Variants in ZNF507 observed in about 807,000 individuals in gnomAD.
ZNF507 encodes the protein zinc finger protein 507.
A neutral mutation model predicts 80.0 loss-of-function variants in ZNF507; 29 were observed. That is an observed-to-expected ratio of 0.36 (90% CI 0.27 to 0.49). The LOEUF (loss-of-function observed/expected upper bound fraction) is 0.49, where lower values mean the gene tolerates loss of function less well. Among genes scored for constraint, ZNF507 ranks in the 20% least tolerant of loss-of-function variants. The pLI is 0.98. For missense variants in ZNF507, 1,081 were observed against 1,152.2 expected (o/e 0.94, Z 0.90); for synonymous variants, 462 against 422.5 (o/e 1.09, Z -1.15).
chr19:32,372,798 C>T (rs1467101507), intron 5 of ZNF507, among the ~76,000 whole-genome samples: 1 of 151,908 alleles, frequency 6.6e-6, no homozygotes, highest in East Asian at 1.9e-4. Flanking sequence ...GCCCTGCCTC[C>T]CAGTACAGCC....
At position 32,350,774 on chromosome 19, in the gene ZNF507, G is replaced by A. The variant is rs554201545; in HGVS notation, c.-2-2055G>A. 8.5e-5 allele frequency among the ~76,000 whole-genome samples: 13 copies of A among 152,298 alleles called. No individual in the cohort carries two copies. In the East Asian group the frequency reaches 2.1e-3, roughly 25 times the overall value. On this transcript the variant is annotated intron_variant, in intron 2 of 6. Transcript: ENST00000355898. ...TAGATCTACAGCAGAGAGCCGTATC[G>A]TGTTCAGGAGGATTCCTATTATTAA...
Position 32,360,502 on chromosome 19 carries a change from A to G in ZNF507, c.2246-2A>G. ...ACTAAAACTCTGAAATACCTTGTCT[A>G]GGGAATAAGTCTTCAGTCCAGAAAC... On this transcript the variant is annotated splice_acceptor_variant, in intron 4 of 6. Transcript: ENST00000355898. LOFTEE classifies it high-confidence loss of function. 1 of 1,533,636 alleles carries G rather than the reference A, an allele frequency of 6.5e-7. No individual in the cohort carries two copies. The highest frequency in any genetic ancestry group is 8.8e-7 in the Non-Finnish European group (1 of 1,134,572).
intron 5 of ZNF507, among the ~76,000 whole-genome samples, chr19:32,374,851 G>A (rs1034237435): frequency 1.3e-5 from 2 of 152,220 alleles, no homozygotes; most frequent in Non-Finnish European, 2.9e-5. Flanking sequence ...ATAGCAGTGG[G>A]GATAGTAAAT....
At chr19:32,378,585 A>G (rs1451695751) in intron 5 of ZNF507, among the ~76,000 whole-genome samples, 3 of 152,116 alleles carry the variant, frequency 2.0e-5, no homozygotes, top group Non-Finnish European at 4.4e-5. Context: ...CAGTAAGGGA[A>G]ATAACTTTTC....
At chr19:32,368,895 A>C (rs985814364) in intron 5 of ZNF507, among the ~76,000 whole-genome samples, 2 of 152,210 alleles carry the variant, frequency 1.3e-5, no homozygotes, top group African/African-American at 4.8e-5. Context: ...GGTCACCCCA[A>C]ATCTTGTAGG....
At chr19:32,370,597 G>A (rs996104065) in intron 5 of ZNF507, among the ~76,000 whole-genome samples, 1 of 152,120 alleles carries the variant, frequency 6.6e-6, no homozygotes. Flanking sequence ...TTCTGCTATT[G>A]AGTTATAAGT....
chr19:32,346,337 G>A (rs890288664), intron 1 of ZNF507, among the ~76,000 whole-genome samples: 43 of 152,298 alleles, frequency 2.8e-4, no homozygotes, highest in East Asian at 2.3e-3. Context: ...AGACCTGGGG[G>A]CATCGGAATG....
At chr19:32,363,031 A>G (rs552967626) in intron 5 of ZNF507, among the ~76,000 whole-genome samples, 4 of 152,318 alleles carry the variant, frequency 2.6e-5, no homozygotes, top group East Asian at 3.9e-4. Flanking sequence ...GGATGTTTCT[A>G]GGACTTTCTC....
At chr19:32,368,419 T>C in intron 5 of ZNF507, among the ~76,000 whole-genome samples, 1 of 152,180 alleles carries the variant, frequency 6.6e-6, no homozygotes, top group East Asian at 1.9e-4. Flanking sequence ...CTTGTGGACT[T>C]TGCAGGTCTG....
intron 2 of ZNF507, among the ~76,000 whole-genome samples, chr19:32,351,958 T>C (rs1002485102): frequency 6.6e-6 from 1 of 152,122 alleles, no homozygotes; most frequent in African/African-American, 2.4e-5. Context: ...TCAGCCATAA[T>C]GCATTATTAG....
rs772692826 is a variant in ZNF507 at position 32,353,045 on chromosome 19, G to A, written c.215G>A (p.Arg72His). 1.5e-5 allele frequency: 24 copies of A among 1,613,920 alleles called. No homozygotes were observed. In the South Asian group the frequency reaches 1.9e-4, roughly 13 times the overall value. Residue 72 changes from arginine (R) to histidine (H), a missense_variant, in exon 3 of 7, where the codon CGT becomes CAT. By Grantham distance (29) the Arg-to-His change is conservative. This residue lies in a region of ZNF507 where 275 missense variants were observed against 303.9 expected (regional missense o/e 0.90). Coordinates refer to ENST00000355898, the MANE Select transcript of ZNF507 (RefSeq NM_001136156.2). ...CTTTTAATTGGGAAGAAACGCCCAC[G>A]TTCAAGTGCTGCAACACACTCTCTT... Reference protein sequence around the residue: ...KCLLIGKKRPRSSAATHSLET... With the variant: ...KCLLIGKKRPHSSAATHSLET...
intron 2 of ZNF507, among the ~76,000 whole-genome samples, chr19:32,351,705 A>T (rs1967171467): frequency 6.6e-6 from 1 of 152,110 alleles, no homozygotes; most frequent in Admixed American, 6.6e-5. Context: ...AGCTAGTGCC[A>T]CTAAAAATTT....
rs953425134 is a variant in ZNF507, at chr19:32,384,241, A to T, written c.*1158A>T. On this transcript the variant is annotated 3_prime_UTR_variant, in exon 7 of 7. Coordinates refer to ENST00000355898, the MANE Select transcript of ZNF507 (RefSeq NM_001136156.2). The stretch of plus-strand genomic sequence containing the variant: ...TCTATAGGATTCTTCCTATCTGGAA[A>T]TTCTATTTTGTTAGAGTGCGATAGG... 10 of 152,236 alleles carry T rather than the reference A, an allele frequency of 6.6e-5. No individual in the cohort carries two copies. Among genetic ancestry groups the T allele is most frequent in the African/African-American group, 2.4e-4 (10 of 41,462 alleles). The allele number at this position is 152,236 out of a possible 1,614,324, so 9.4% of individuals were successfully genotyped here. A position where few individuals can be genotyped will look rare whatever the true frequency, so the allele number is the denominator to read the frequency against.
rs769415129 is a variant in ZNF507 at position 32,354,793 on chromosome 19, T to A, written c.1963T>A (p.Tyr655Asn). 1.2e-6 allele frequency: 2 copies of A among 1,614,196 alleles called. No homozygotes were observed. Among genetic ancestry groups the A allele is most frequent in the Non-Finnish European group, 8.5e-7 (1 of 1,180,034 alleles). ...LCHYTSGNKGYIKQHLRVHRQ... is the reference protein window; with the variant it reads ...LCHYTSGNKGNIKQHLRVHRQ... ...TCACTACACAAGTGGCAACAAGGGC[T>A]ACATCAAGCAGCACTTACGAGTCCA... The change falls in exon 3 of 7, where the codon TAC (tyrosine) becomes AAC (asparagine). Residue 655 changes from tyrosine (Y) to asparagine (N), a missense_variant. Tyr to Asn is a moderately radical substitution (Grantham distance 143). Coordinates refer to ENST00000355898, the MANE Select transcript of ZNF507 (RefSeq NM_001136156.2).
At chr19:32,370,861 T>TA (rs1338310919) in intron 5 of ZNF507, among the ~76,000 whole-genome samples, 1 of 152,244 alleles carries the variant, frequency 6.6e-6, no homozygotes, top group African/African-American at 2.4e-5. Flanking sequence ...TGGTTTCTGA[T>TA]ATTCCATTCA....
chr19:32,374,586 AT>A (rs1024153323), intron 5 of ZNF507, among the ~76,000 whole-genome samples: 5 of 150,554 alleles, frequency 3.3e-5, no homozygotes, highest in African/African-American at 1.2e-4. Flanking sequence ...GGTTCAAGAG[AT>A]TCTCGTGCCT....
chr19:32,373,384 C>T (rs1006957016), intron 5 of ZNF507, among the ~76,000 whole-genome samples: 1 of 152,196 alleles, frequency 6.6e-6, no homozygotes, highest in Non-Finnish European at 1.5e-5. Flanking sequence ...GATCATACCA[C>T]ACTGTAATTT....
rs1373740002 is a variant in ZNF507 at position 32,353,813 on chromosome 19, G to A, written c.983G>A (p.Ser328Asn). 1 of 1,614,068 alleles carries A rather than the reference G, an allele frequency of 6.2e-7. No individual in the cohort carries two copies. Among genetic ancestry groups the A allele is most frequent in the African/African-American group, 1.3e-5 (1 of 74,922 alleles). ...NGPSVQVQIC[S>N]SEQLSSSSPL... ...CCATCAGTGCAAGTGCAGATTTGCA[G>A]CTCAGAACAGTTATCATCTTCATCT... The change falls in exon 3 of 7, where the codon AGC becomes AAC. Residue 328 changes from serine to asparagine, a missense_variant. Transcript: ENST00000355898.
At chr19:32,370,111 T>C (rs984786834) in intron 5 of ZNF507, among the ~76,000 whole-genome samples, 6 of 152,286 alleles carry the variant, frequency 3.9e-5, no homozygotes, top group Admixed American at 1.3e-4. Flanking sequence ...CATACGTGTG[T>C]GCGCACGCGC....
Sources: allele counts gnomAD v4.1 joint callset (sites outside exome capture counted in the v4.1 genomes callset), GRCh38; gene constraint gnomAD v4.1.1; regional missense constraint gnomAD v4.1.1; transcripts MANE v1.5; gene names NCBI Gene and HGNC (gene_info 2026-07-23, HGNC 2026-07-21).